The following CHFR variants were observed in gnomAD, a reference collection of about 807,000 sequenced individuals.
CHFR encodes the protein E3 ubiquitin-protein ligase CHFR.
In CHFR, 57 loss-of-function variants were observed where a neutral mutation model predicts 87.6. The observed-to-expected ratio is 0.65, with a 90% CI of 0.53 to 0.81. CHFR has a LOEUF of 0.81. Among genes scored for constraint, CHFR ranks in the 30% least tolerant of loss-of-function variants. The probability of loss-of-function intolerance (pLI) is 0.00; values close to 1 mark genes in which losing one functional copy is unlikely to be tolerated. For synonymous variants in CHFR, 381 were observed against 359.2 expected (o/e 1.06, Z -0.69); for missense variants, 797 against 865.8 (o/e 0.92, Z 1.00).
intron 16 of CHFR, 79 bp from the exon 17 acceptor site, chr12:132,843,162 C>T: frequency 7.8e-7 from 1 of 1,278,038 alleles, no homozygotes; most frequent in Non-Finnish European, 1.1e-6. Context: ...AGCAGAGACC[C>T]AACGACAGAC....
chr12:132,876,488 AAC>A (rs1436482127), intron 3 of CHFR, among the ~76,000 whole-genome samples: 4 of 152,328 alleles, frequency 2.6e-5, no homozygotes, highest in Non-Finnish European at 4.4e-5. Context: ...CCAAAATCTA[AAC>A]AGTCTAGTTT....
Position 132,869,784 on chromosome 12 carries a change from C to G in CHFR, c.418G>C (p.Gly140Arg), listed in dbSNP as rs529705996. 21 of 1,551,502 alleles carry G rather than the reference C, an allele frequency of 1.4e-5. No homozygotes were observed. In the Admixed American group the frequency reaches 3.9e-4, roughly 29 times the overall value. The stretch of plus-strand genomic sequence containing the variant: ...CGGGGATCGGCCCCTCGCCCTGCAC[C>G]TGCACCTGAGGTATCTTTGGTCCCA... ...TQESFDTSGA[G>R]AGRGADPRVP... Residue 140 changes from glycine (G) to arginine (R), a missense_variant, in exon 6 of 18, where the codon GGT becomes CGT. Transcript: ENST00000450056.
At chr12:132,873,345 C>T (rs921987854) in intron 3 of CHFR, among the ~76,000 whole-genome samples, 1 of 152,212 alleles carries the variant, frequency 6.6e-6, no homozygotes, top group Non-Finnish European at 1.5e-5. Flanking sequence ...TGAACTGCCA[C>T]AGCCGTCTCC....
rs991258229 is a variant in CHFR, at chr12:132,840,676, G to A, written c.*878C>T. 10 of 152,656 alleles carry A rather than the reference G, an allele frequency of 6.6e-5. No homozygotes were observed. The highest frequency in any genetic ancestry group is 3.8e-4 in the East Asian group (2 of 5,196). 9.5% of individuals were successfully genotyped at this position (152,656 alleles called of 1,614,324 possible). ...CCCGGGCAGCATGAGGGAGCGGCGC[G>A]TCCTGGGACCTGCCTCCAGCCCTGG... On this transcript the variant is annotated 3_prime_UTR_variant, in exon 18 of 18. Transcript: ENST00000450056.
At chr12:132,863,897 T>A (rs1951273202) in intron 6 of CHFR, among the ~76,000 whole-genome samples, 1 of 152,174 alleles carries the variant, frequency 6.6e-6, no homozygotes, top group African/African-American at 2.4e-5. Flanking sequence ...TATCTGGGAC[T>A]ACAGGTGTGC....
chr12:132,880,346 A>T (rs1232198474), intron 2 of CHFR, among the ~76,000 whole-genome samples: 1 of 152,106 alleles, frequency 6.6e-6, no homozygotes, highest in Non-Finnish European at 1.5e-5. Context: ...TAATAATAAT[A>T]AGCTGAGGTT....
At position 132,887,238 on chromosome 12, in the gene CHFR, C is replaced by T. The variant is rs1424534907; in HGVS notation, c.91G>A (p.Val31Ile). 5 of 1,504,188 alleles carry T rather than the reference C, an allele frequency of 3.3e-6. No individual in the cohort carries two copies. The highest frequency in any genetic ancestry group is 2.9e-5 in the African/African-American group (2 of 69,036). 93.2% of individuals were successfully genotyped at this position (1,504,188 alleles called of 1,614,324 possible). Residue 31 changes from valine (V) to isoleucine (I), a missense_variant, in exon 2 of 18, where the codon GTC (valine) becomes ATC (isoleucine). Transcript: ENST00000450056. The part of the protein sequence containing the change: ...RLGAEEGEPH[V>I]LLRKREWTIG... ...GTCCACTCCCGCTTCCTCAGGAGGA[C>T]GTGCGGCTCGCCCTCCTCCGCGCCC...
rs749465714 is a variant in CHFR, at chr12:132,859,236, G to A, written c.752-9C>T. ...CAGGTCAAGGTCCCCATCTACAGGA[G>A]AAAGGGATGTGTTCTGTCGTAACCA... On this transcript the variant is annotated splice_polypyrimidine_tract_variant and intron_variant, in intron 7 of 17. Coordinates refer to ENST00000450056, the MANE Select transcript of CHFR (RefSeq NM_001161346.2). The A allele has an allele frequency of 6.2e-7, 1 of 1,610,910 alleles. No individual in the cohort carries two copies. The highest frequency in any genetic ancestry group is 1.1e-5 in the South Asian group (1 of 90,544).
At chr12:132,844,204 T>C in intron 15 of CHFR, 70 bp from the exon 16 acceptor site, 1 of 982,332 alleles carries the variant, frequency 1.0e-6, no homozygotes, top group East Asian at 2.5e-5. Context: ...TTCACAGCAG[T>C]GGGAGACTAA....
intron 3 of CHFR, among the ~76,000 whole-genome samples, chr12:132,874,043 C>G (rs1300492926): frequency 6.6e-6 from 1 of 152,182 alleles, no homozygotes; most frequent in South Asian, 2.1e-4. Flanking sequence ...TGCCAAGGAA[C>G]GTGGCACCTC....
In CHFR at chr12:132,839,877, T is replaced by C. The variant is rs2076920; in HGVS notation, c.*1677A>G. The C allele has an allele frequency of 0.45, 56,235 of 125,586 alleles. 11,860 individuals carry two copies. Among genetic ancestry groups the C allele is most frequent in the South Asian group, 0.58 (3,326 of 5,764 alleles). 7.8% of individuals were successfully genotyped at this position (125,586 alleles called of 1,614,324 possible). A position where few individuals can be genotyped will look rare whatever the true frequency, so the allele number is the denominator to read the frequency against. On this transcript the variant is annotated 3_prime_UTR_variant, in exon 18 of 18. Transcript: ENST00000450056. ...TCTCAGCCTCGCCCCTGCACTAACTTGGGACCTCCCTGCTCAGCCTCACCC... is the reference window on the plus strand; with the variant it reads ...TCTCAGCCTCGCCCCTGCACTAACTCGGGACCTCCCTGCTCAGCCTCACCC...
At chr12:132,850,563 G>A (rs7314999) in intron 12 of CHFR, among the ~76,000 whole-genome samples, 31,341 of 152,078 alleles carry the variant, frequency 0.21, 3,459 homozygotes, top group African/African-American at 0.27. Flanking sequence ...CCAGATCACC[G>A]GGTGTGTCCC....
chr12:132,872,931 G>A (rs1443134379), intron 3 of CHFR, among the ~76,000 whole-genome samples: 3 of 152,182 alleles, frequency 2.0e-5, no homozygotes, highest in African/African-American at 2.4e-5. Context: ...GAGGTACTCT[G>A]CCCAGGGAGA....
At chr12:132,875,605 C>T (rs974584199) in intron 3 of CHFR, among the ~76,000 whole-genome samples, 3 of 152,022 alleles carry the variant, frequency 2.0e-5, no homozygotes, top group African/African-American at 7.2e-5. Context: ...GCCTGAGCCA[C>T]AGAGCGAGAC....
At chr12:132,854,201 A>G (rs1566182580) in intron 10 of CHFR, 1 of 152,202 alleles carries the variant, frequency 6.6e-6, no homozygotes, top group Non-Finnish European at 1.5e-5. Context: ...GTGAAAAGAC[A>G]TTTTTTTCAT....
At chr12:132,842,699 G>A (rs1396189596) in intron 17 of CHFR, among the ~76,000 whole-genome samples, 6 of 152,254 alleles carry the variant, frequency 3.9e-5, no homozygotes, top group Non-Finnish European at 7.3e-5. Context: ...CGCTTTGCGA[G>A]GGGGGCCTGA....
intron 13 of CHFR, 176 bp from the exon 14 acceptor site, chr12:132,848,331 C>T (rs1202510237): frequency 2.5e-6 from 3 of 1,214,806 alleles, no homozygotes; most frequent in Admixed American, 4.0e-5. Context: ...TTCCATTCCA[C>T]TCCCTCCTTA....
chr12:132,857,379 G>A (rs1351589559), intron 9 of CHFR, 26 bp downstream of exon 9: 4 of 1,612,484 alleles, frequency 2.5e-6, no homozygotes, highest in Non-Finnish European at 3.4e-6. Flanking sequence ...ACGTGCCCGG[G>A]TGCTGGTGTG....
At chr12:132,862,464 C>A (rs766434355) in intron 6 of CHFR, 3 of 448,096 alleles carry the variant, frequency 6.7e-6, no homozygotes, top group African/African-American at 4.1e-5. Context: ...ATTAACTAGG[C>A]GTGACAGTAC....
Sources: allele counts gnomAD v4.1 joint callset (sites outside exome capture counted in the v4.1 genomes callset), GRCh38; gene constraint gnomAD v4.1.1; transcripts MANE v1.5; gene names NCBI Gene and HGNC (gene_info 2026-07-23, HGNC 2026-07-21).